Variants in RBBP5 observed in about 807,000 individuals in gnomAD.
RBBP5 encodes the protein RB binding protein 5, histone lysine methyltransferase complex subunit.
Under a neutral mutation model 72.2 loss-of-function variants are expected in RBBP5, and 5 were observed. The observed-to-expected ratio is 0.07, with a 90% confidence interval of 0.04 to 0.15. RBBP5 has a LOEUF of 0.15. Ranked by LOEUF, RBBP5 falls within the 10% of genes least tolerant of loss-of-function variation. RBBP5 has a pLI of 1.00. For synonymous variants in RBBP5, 209 were observed against 237.2 expected, an observed-to-expected ratio of 0.88 and a Z score of 1.09; for missense variants, 322 against 652.2, an observed-to-expected ratio of 0.49 and a Z score of 5.51.
rs752617900 is a variant in RBBP5 at position 205,096,768 on chromosome 1, T to C, written c.1310A>G (p.Lys437Arg). The change falls in exon 12 of 14, where the codon AAG (lysine) becomes AGG (arginine). Residue 437 changes from lysine to arginine, a missense_variant. Transcript: ENST00000264515. ...LMDEGASSEK[K>R]RQSSADGSQP... ...GGACCCATCTGCTGAGGACTGCCTC[T>C]TCTTCTCTGAACTAGCCCCTTCATC... 26 of 1,614,092 alleles carry C rather than the reference T, an allele frequency of 1.6e-5. No homozygotes were observed. In the Middle Eastern group the frequency reaches 4.9e-4, roughly 31 times the overall value.
rs201216256 is a variant in RBBP5, at chr1:205,115,988, T to C, written c.20-105A>G. ...GTGGCTGACAAAACGAAAAGGGGGA[T>C]ATGATGCCCTTTCAGGCATTCCATG... On this transcript the variant is annotated intron_variant, in intron 1 of 13. Coordinates refer to ENST00000264515, the MANE Select transcript of RBBP5 (RefSeq NM_005057.4). The C allele has an allele frequency of 4.3e-5, 69 of 1,610,212 alleles. No individual in the cohort carries two copies. The East Asian group carries it at 8.7e-4, about 20-fold the overall frequency.
rs1049708331 is a variant in RBBP5, at chr1:205,088,807, C to T, written c.1597G>A (p.Ala533Thr). Reference sequence around the variant, plus strand: ...GGTCTTCATAACAGTTCTGAGATTGCTCCTCCTGCTAAAGAGATTAGACAC... The same window carrying T: ...GGTCTTCATAACAGTTCTGAGATTGTTCCTCCTGCTAAAGAGATTAGACAC... ...ELSQPLTAGG[A>T]ISELL The change falls in exon 14 of 14, where the codon GCA becomes ACA. Residue 533 changes from alanine (A) to threonine (T), a missense_variant. Transcript: ENST00000264515. 6.3e-7 allele frequency: 1 copy of T among 1,585,032 alleles called. No individual in the cohort carries two copies. Among genetic ancestry groups the T allele is most frequent in the Non-Finnish European group, 8.6e-7 (1 of 1,167,680 alleles).
At position 205,086,541 on chromosome 1, in the gene RBBP5, A is replaced by T. The variant is rs1419689786; in HGVS notation, c.*2246T>A. 6.6e-6 allele frequency: 1 copy of T among 152,146 alleles called. No individual in the cohort carries two copies. The highest frequency in any genetic ancestry group is 2.4e-5 in the African/African-American group (1 of 41,424). The allele number at this position is 152,146 out of a possible 1,614,324, so 9.4% of individuals were successfully genotyped here. A position where few individuals can be genotyped will look rare whatever the true frequency, so the allele number is the denominator to read the frequency against. The stretch of plus-strand genomic sequence containing the variant: ...TGTGAGCCACCATGCCCAGCCCAGA[A>T]TATTTTTAAAAACAAAATTTTGGGG... On this transcript the variant is annotated 3_prime_UTR_variant, in exon 14 of 14. Transcript: ENST00000264515.
At chr1:205,091,872 TG>T (rs2102250459) in intron 13 of RBBP5, 1 of 152,342 alleles carries the variant, frequency 6.6e-6, no homozygotes, top group African/African-American at 2.4e-5. Flanking sequence ...TCAGAAGTTT[TG>T]CATCAGGTTT....
chr1:205,120,428 A>G lies in RBBP5; in HGVS notation c.19+1427T>C, dbSNP rs576188975. On this transcript the variant is annotated intron_variant, in intron 1 of 13. Coordinates refer to ENST00000264515, the MANE Select transcript of RBBP5 (RefSeq NM_005057.4). ...ATCCACAACCTGGCCAAGCAGGAAAATTCTTTAGGTCTTCTCTCACTGATG... is the reference window on the plus strand; with the variant it reads ...ATCCACAACCTGGCCAAGCAGGAAAGTTCTTTAGGTCTTCTCTCACTGATG... 3.3e-5 allele frequency among the ~76,000 whole-genome samples: 5 copies of G among 152,272 alleles called. No individual in the cohort carries two copies. In the East Asian group the frequency reaches 5.8e-4, roughly 18 times the overall value.
intron 1 of RBBP5, chr1:205,116,266 T>C: frequency 2.6e-6 from 1 of 380,914 alleles, no homozygotes; most frequent in South Asian, 2.0e-5. Flanking sequence ...CACATAAACA[T>C]GTAATGGATT....
chr1:205,116,599 C>G (rs1558582928), intron 1 of RBBP5, among the ~76,000 whole-genome samples: 1 of 152,162 alleles, frequency 6.6e-6, no homozygotes, highest in African/African-American at 2.4e-5. Context: ...TGCGGCAGAT[C>G]ACAAGGGAGT....
chr1:205,094,888 T>C lies in RBBP5; in HGVS notation c.1573A>G (p.Ser525Gly), dbSNP rs773622920. 2.5e-6 allele frequency: 4 copies of C among 1,613,748 alleles called. No homozygotes were observed. Among genetic ancestry groups the C allele is most frequent in the African/African-American group, 2.7e-5 (2 of 74,910 alleles). ...GTGTCCTTACCTGTCAAGGGCTGGCTGAGTTCCGCCTGCACTTTACCCTTC... is the reference window on the plus strand; with the variant it reads ...GTGTCCTTACCTGTCAAGGGCTGGCCGAGTTCCGCCTGCACTTTACCCTTC... ...SAKGKVQAEL[S>G]QPLTAGGAIS... Residue 525 changes from serine to glycine, a missense_variant, in exon 13 of 14, where the codon AGC becomes GGC. By Grantham distance (56) the Ser-to-Gly change is moderately conservative (BLOSUM62 0). Transcript: ENST00000264515.
intron 5 of RBBP5, 74 bp from the exon 6 acceptor site, chr1:205,101,783 T>C (rs1203700467): frequency 5.5e-6 from 6 of 1,088,890 alleles, no homozygotes; most frequent in Non-Finnish European, 8.4e-6. Context: ...TTGTTTCTAA[T>C]ACTGCGTAAA....
At chr1:205,121,673 C>A (rs1293863737) in intron 1 of RBBP5, among the ~76,000 whole-genome samples, 182 bp downstream of exon 1, 1 of 152,202 alleles carries the variant, frequency 6.6e-6, no homozygotes, top group Non-Finnish European at 1.5e-5. Flanking sequence ...TCGGGAGGGG[C>A]AATGCAACCT....
rs557612940 is a variant in RBBP5, at chr1:205,098,900, T to C, written c.1096+89A>G. On this transcript the variant is annotated intron_variant, in intron 10 of 13. Transcript: ENST00000264515. ...GAGGGGGGCATTTTAGATGAAGTGCTGAAATAAATTTACAACACAAATGAA... is the reference window on the plus strand; with the variant it reads ...GAGGGGGGCATTTTAGATGAAGTGCCGAAATAAATTTACAACACAAATGAA... 46 of 865,124 alleles carry C rather than the reference T, an allele frequency of 5.3e-5. No individual in the cohort carries two copies. The South Asian group carries it at 1.1e-3, about 22-fold the overall frequency. The allele number at this position is 865,124 out of a possible 1,614,324, so 53.6% of individuals were successfully genotyped here.
At chr1:205,097,457 C>T in intron 10 of RBBP5, 62 bp from the exon 11 acceptor site, 1 of 1,457,884 alleles carries the variant, frequency 6.9e-7, no homozygotes, top group Non-Finnish European at 9.4e-7. Context: ...TTATTTGCAG[C>T]TTCAAGGTTT....
At chr1:205,098,019 C>T (rs1010864711) in intron 10 of RBBP5, among the ~76,000 whole-genome samples, 1 of 151,740 alleles carries the variant, frequency 6.6e-6, no homozygotes, top group Non-Finnish European at 1.5e-5. Context: ...TTAGACACCA[C>T]GGGGATTAAA....
At chr1:205,101,989 T>C (rs1407954511) in intron 5 of RBBP5, among the ~76,000 whole-genome samples, 2 of 150,174 alleles carry the variant, frequency 1.3e-5, no homozygotes, top group African/African-American at 2.5e-5. Context: ...CTCTGCCTCC[T>C]GGGTTCAAGC....
chr1:205,089,615 G>T (rs1655259114), intron 13 of RBBP5, among the ~76,000 whole-genome samples: 2 of 152,140 alleles, frequency 1.3e-5, no homozygotes, highest in African/African-American at 4.8e-5. Context: ...ATATAACTTT[G>T]ATTTTTGAAG....
intron 13 of RBBP5, 136 bp from the exon 14 acceptor site, chr1:205,088,951 C>A: frequency 1.4e-6 from 1 of 731,354 alleles, no homozygotes; most frequent in Non-Finnish European, 2.2e-6. Flanking sequence ...TAAGAAAATA[C>A]ATAACCAACT....
At position 205,087,618 on chromosome 1, in the gene RBBP5, T is replaced by C. The variant is rs1369972474; in HGVS notation, c.*1169A>G. ...ACTTCCAGTCAGCTAAAAACGCCAC[T>C]CAGAGAAGCTACTGAGCCCTTTTCA... On this transcript the variant is annotated 3_prime_UTR_variant, in exon 14 of 14. Coordinates refer to ENST00000264515, the MANE Select transcript of RBBP5 (RefSeq NM_005057.4). 2.8e-5 allele frequency: 4 copies of C among 141,936 alleles called. No homozygotes were observed. Among genetic ancestry groups the C allele is most frequent in the Non-Finnish European group, 4.6e-5 (3 of 65,430 alleles). 8.8% of individuals were successfully genotyped at this position (141,936 alleles called of 1,614,324 possible). A position where few individuals can be genotyped will look rare whatever the true frequency, so the allele number is the denominator to read the frequency against.
At chr1:205,115,587 G>A (rs1267396969) in intron 2 of RBBP5, among the ~76,000 whole-genome samples, 1 of 152,136 alleles carries the variant, frequency 6.6e-6, no homozygotes, top group East Asian at 1.9e-4. Context: ...TATGATGGTG[G>A]TGTTTGTGAA....
At chr1:205,115,046 T>TAAAG in intron 2 of RBBP5, 85 bp from the exon 3 acceptor site, 1 of 1,238,876 alleles carries the variant, frequency 8.1e-7, no homozygotes, top group Non-Finnish European at 1.1e-6. Context: ...TCACTTGTGA[T>TAAAG]ACTTTTATTG....
Sources: gnomAD v4.1 joint callset for allele counts (sites outside exome capture counted in the v4.1 genomes callset) on GRCh38, gnomAD v4.1.1 for gene constraint, MANE v1.5 for transcripts, NCBI Gene and HGNC (gene_info 2026-07-23, HGNC 2026-07-21) for gene names.